Variants in NTM observed in about 807,000 individuals in gnomAD.
NTM encodes neurotrimin.
NTM carries 13 observed loss-of-function variants against 42.1 expected under a neutral mutation model. That is an observed-to-expected ratio of 0.31 (90% CI 0.20 to 0.49). The LOEUF (loss-of-function observed/expected upper bound fraction) is 0.49. Ranked by LOEUF, NTM falls within the 20% of genes least tolerant of loss-of-function variation. The pLI, the probability that NTM is intolerant of heterozygous loss-of-function variation, is 0.99. For synonymous variants in NTM, 187 were observed against 179.2 expected (o/e 1.04, Z -0.35); for missense variants, 373 against 452.8 (o/e 0.82, Z 1.60).
At chr11:132,306,542 A>G (rs2095089699) in intron 4 of NTM, 1 of 152,130 alleles carries the variant, frequency 6.6e-6, no homozygotes, top group Non-Finnish European at 1.5e-5. Context: ...ATATGTAGGC[A>G]TGTTTGTGTG....
intron 1 of NTM, among the ~76,000 whole-genome samples, chr11:131,411,381 T>C (rs1946385210): frequency 6.6e-6 from 1 of 151,962 alleles, no homozygotes; most frequent in African/African-American, 2.4e-5. Flanking sequence ...AGCTAAAGAT[T>C]GCTAAGGATG....
At chr11:131,753,260 T>C (rs1333180439) in intron 1 of NTM, among the ~76,000 whole-genome samples, 1 of 152,124 alleles carries the variant, frequency 6.6e-6, no homozygotes, top group Admixed American at 6.5e-5. Context: ...GGAGAGGATA[T>C]GGAGAAATAG....
intron 7 of NTM, among the ~76,000 whole-genome samples, chr11:132,316,011 C>T (rs1376101396): frequency 1.3e-5 from 2 of 151,936 alleles, no homozygotes; most frequent in South Asian, 2.1e-4. Flanking sequence ...CCCCTCCTTC[C>T]CTTGCTTTGC....
rs749797432 is a variant in NTM, at chr11:131,456,150, T to C, written c.82+85262T>C. Among the ~76,000 whole-genome samples, 133 of 152,302 alleles carry C rather than the reference T, an allele frequency of 8.7e-4. 2 individuals carry two copies. Among genetic ancestry groups the C allele is most frequent in the Admixed American group, 4.6e-4 (7 of 15,304 alleles). ...TAGTGGAGCACTAGGCATAAGTTGA[T>C]TAAGGAGCTGGCAAGCTCTGACTGG... is the stretch of plus-strand genomic sequence containing the variant. On this transcript the variant is annotated intron_variant, in intron 1 of 8. Coordinates refer to ENST00000683400, the MANE Select transcript of NTM (RefSeq NM_001352005.2).
At chr11:132,228,450 A>G (rs574547998) in intron 4 of NTM, among the ~76,000 whole-genome samples, 64 of 152,248 alleles carry the variant, frequency 4.2e-4, no homozygotes, top group Middle Eastern at 3.4e-3. Context: ...TTCATCCAAA[A>G]TGCTCCTCTT....
At chr11:132,133,642 G>T (rs2137111304) in intron 2 of NTM, among the ~76,000 whole-genome samples, 1 of 152,240 alleles carries the variant, frequency 6.6e-6, no homozygotes, top group South Asian at 2.1e-4. Flanking sequence ...TGTTTAGGTG[G>T]ATTCCAGCAC....
chr11:132,241,322 T>C (rs985256427), intron 4 of NTM, among the ~76,000 whole-genome samples: 9 of 152,226 alleles, frequency 5.9e-5, no homozygotes, highest in Non-Finnish European at 1.3e-4. Flanking sequence ...TTTTGGCATA[T>C]AAAGCCTATT....
chr11:131,399,667 G>T (rs879896730), intron 1 of NTM, among the ~76,000 whole-genome samples: 1 of 152,154 alleles, frequency 6.6e-6, no homozygotes, highest in Non-Finnish European at 1.5e-5. Context: ...TTTGAGAAGA[G>T]ATGTGATGAG....
In NTM at chr11:132,236,021, C is replaced by CACAT. The variant is rs71477750; in HGVS notation, c.526+23875_526+23876insCATA. On this transcript the variant is annotated intron_variant, in intron 4 of 8. Transcript: ENST00000683400. ...ACACACACACACACACACACACACA[C>CACAT]AACAAAATTGTATAACTCGCTTAAT... is the stretch of plus-strand genomic sequence containing the variant. 9.5e-3 allele frequency among the ~76,000 whole-genome samples: 1,431 copies of CACAT among 150,904 alleles called. 26 individuals carry two copies. Among genetic ancestry groups the CACAT allele is most frequent in the East Asian group, 0.031 (159 of 5,136 alleles).
At chr11:131,394,437 C>T (rs897093086) in intron 1 of NTM, among the ~76,000 whole-genome samples, 11 of 152,106 alleles carry the variant, frequency 7.2e-5, no homozygotes, top group Non-Finnish European at 1.6e-4. Context: ...GAAGTCAGAG[C>T]GAGAAGGAGA....
intron 1 of NTM, among the ~76,000 whole-genome samples, chr11:131,768,280 G>A (rs965558157): frequency 1.3e-5 from 2 of 151,836 alleles, no homozygotes; most frequent in East Asian, 1.9e-4. Context: ...CACCATGCCC[G>A]GCTAATTTTG....
chr11:131,714,279 C>T (rs978070585), intron 1 of NTM, among the ~76,000 whole-genome samples: 1 of 152,098 alleles, frequency 6.6e-6, no homozygotes, highest in Non-Finnish European at 1.5e-5. Flanking sequence ...ACCTCCACCT[C>T]CAGGGTTCAA....
chr11:131,510,402 T>C (rs2048079777), intron 1 of NTM, among the ~76,000 whole-genome samples: 2 of 152,126 alleles, frequency 1.3e-5, no homozygotes, highest in African/African-American at 2.4e-5. Flanking sequence ...TTTCTCAGCA[T>C]AGATGGAGAG....
Position 131,795,318 on chromosome 11 carries a change from G to A in NTM, c.83-116246G>A, listed in dbSNP as rs1382870728. ...TTTAATGAGAGAATGCAGTGCCCAG[G>A]CGCTCCTAATATATGCTTAATAAGT... On this transcript the variant is annotated intron_variant, in intron 1 of 8. Coordinates refer to ENST00000683400, the MANE Select transcript of NTM (RefSeq NM_001352005.2). The A allele has an allele frequency of 4.8e-6, 4 of 841,770 alleles. No individual in the cohort carries two copies. The African/African-American group carries it at 5.5e-5, about 12-fold the overall frequency. The allele number at this position is 841,770 out of a possible 1,614,324, so 52.1% of individuals were successfully genotyped here. A position where few individuals can be genotyped will look rare whatever the true frequency, so the allele number is the denominator to read the frequency against.
At chr11:132,313,695 A>G (rs2095344536) in intron 6 of NTM, among the ~76,000 whole-genome samples, 1 of 152,284 alleles carries the variant, frequency 6.6e-6, no homozygotes, top group African/African-American at 2.4e-5. Flanking sequence ...ACTGACTCCA[A>G]TAGCAGCTTT....
chr11:131,697,647 C>T (rs892937552), intron 1 of NTM, among the ~76,000 whole-genome samples: 1 of 152,076 alleles, frequency 6.6e-6, no homozygotes, highest in Non-Finnish European at 1.5e-5. Flanking sequence ...TGAAATTTTC[C>T]TGACTTGATT....
intron 1 of NTM, among the ~76,000 whole-genome samples, chr11:131,628,746 C>A (rs149390696): frequency 1.3e-5 from 2 of 152,358 alleles, no homozygotes; most frequent in African/African-American, 4.8e-5. Flanking sequence ...TGGAAAGGAC[C>A]TTCCTCACTG....
chr11:131,521,370 G>A (rs1163479541), intron 1 of NTM, among the ~76,000 whole-genome samples: 6 of 127,968 alleles, frequency 4.7e-5, no homozygotes, highest in African/African-American at 1.7e-4. Flanking sequence ...TGCAGAAGAA[G>A]CAAGGTGCCA....
intron 2 of NTM, among the ~76,000 whole-genome samples, chr11:132,004,642 A>G (rs1374469497): frequency 3.3e-5 from 5 of 150,564 alleles, no homozygotes; most frequent in Non-Finnish European, 5.9e-5. Flanking sequence ...TCTCACACAC[A>G]CACACACACA....
Sources: gnomAD v4.1 joint callset for allele counts (sites outside exome capture counted in the v4.1 genomes callset) on GRCh38, gnomAD v4.1.1 for gene constraint, MANE v1.5 for transcripts, NCBI Gene and HGNC (gene_info 2026-07-23, HGNC 2026-07-21) for gene names.